The following MAPK1IP1L variants were observed in gnomAD, a reference collection of about 807,000 sequenced individuals.
The protein encoded by MAPK1IP1L is MAPK-interacting and spindle-stabilizing protein-like.
In MAPK1IP1L, 10 loss-of-function variants were observed where a neutral mutation model predicts 18.1. The observed-to-expected ratio is 0.55, with a 90% confidence interval of 0.34 to 0.94. The LOEUF is 0.94. Ranked by LOEUF, MAPK1IP1L falls within the 40% of genes least tolerant of loss-of-function variation. The pLI is 0.02. For synonymous variants in MAPK1IP1L, 115 were observed against 117.3 expected (o/e 0.98, Z 0.13); for missense variants, 260 against 318.2 (o/e 0.82, Z 1.39).
At chr14:55,063,422 T>A in intron 3 of MAPK1IP1L, 97 bp downstream of exon 3, 1 of 1,098,924 alleles carries the variant, frequency 9.1e-7, no homozygotes, top group Non-Finnish European at 1.3e-6. Context: ...AGAAGGCTTT[T>A]AAGTTTTTAA....
At chr14:55,053,035 C>G (rs1446844339) in intron 1 of MAPK1IP1L, among the ~76,000 whole-genome samples, 1 of 152,240 alleles carries the variant, frequency 6.6e-6, no homozygotes, top group Non-Finnish European at 1.5e-5. Flanking sequence ...TGTGAACATT[C>G]ATTCTAAGTG....
In MAPK1IP1L at chr14:55,068,006, G is replaced by A. The variant is rs1348421042; in HGVS notation, c.*3379G>A. ...TTCACACCCGGTTCTCAAGAATCAAGTGGAGCACTTCAAAGACCTTGGCTT... is the reference window on the plus strand; with the variant it reads ...TTCACACCCGGTTCTCAAGAATCAAATGGAGCACTTCAAAGACCTTGGCTT... On this transcript the variant is annotated 3_prime_UTR_variant, in exon 4 of 4. Transcript: ENST00000395468. The A allele has an allele frequency of 6.6e-6, 1 of 152,220 alleles. No homozygotes were observed. The highest frequency in any genetic ancestry group is 1.5e-5 in the Non-Finnish European group (1 of 68,036). The allele number at this position is 152,220 out of a possible 1,614,324, so 9.4% of individuals were successfully genotyped here. A position where few individuals can be genotyped will look rare whatever the true frequency, so the allele number is the denominator to read the frequency against.
At chr14:55,059,368 A>T (rs575956798) in intron 1 of MAPK1IP1L, among the ~76,000 whole-genome samples, 1 of 152,194 alleles carries the variant, frequency 6.6e-6, no homozygotes, top group Non-Finnish European at 1.5e-5. Flanking sequence ...ACAGTATCTC[A>T]CGCCTGTAAT....
rs996814887 is a variant in MAPK1IP1L at position 55,067,340 on chromosome 14, G to C, written c.*2713G>C. 1 of 151,798 alleles carries C rather than the reference G, an allele frequency of 6.6e-6. No homozygotes were observed. Among genetic ancestry groups the C allele is most frequent in the South Asian group, 2.1e-4 (1 of 4,820 alleles). 9.4% of individuals were successfully genotyped at this position (151,798 alleles called of 1,614,324 possible). A position where few individuals can be genotyped will look rare whatever the true frequency, so the allele number is the denominator to read the frequency against. On this transcript the variant is annotated 3_prime_UTR_variant, in exon 4 of 4. Transcript: ENST00000395468. ...GGGCCAAAATATTTCAGGTTGGTTC[G>C]GTGTGGAGTTAAGAAAAGCAGGCGT...
At chr14:55,054,384 C>G (rs2042754478) in intron 1 of MAPK1IP1L, among the ~76,000 whole-genome samples, 1 of 152,040 alleles carries the variant, frequency 6.6e-6, no homozygotes, top group South Asian at 2.1e-4. Context: ...CTCAAGTAAT[C>G]CACCCACCTC....
At chr14:55,064,297 A>G (rs75318916) in intron 3 of MAPK1IP1L, among the ~76,000 whole-genome samples, 7 of 145,950 alleles carry the variant, frequency 4.8e-5, no homozygotes, top group African/African-American at 7.4e-5. Context: ...CCCAGCCAGG[A>G]AAAAAAAAAA....
In MAPK1IP1L at chr14:55,064,903, G is replaced by A. The variant is rs2042850547; in HGVS notation, c.*276G>A. 3.1e-6 allele frequency: 1 copy of A among 319,304 alleles called. No individual in the cohort carries two copies. The allele number at this position is 319,304 out of a possible 1,614,324, so 19.8% of individuals were successfully genotyped here. On this transcript the variant is annotated 3_prime_UTR_variant, in exon 4 of 4. Transcript: ENST00000395468. ...GATAAAGTATATTGAATAGTTCTTT[G>A]ACAGAATTTGTTTAAACTATGAAAC... is the stretch of plus-strand genomic sequence containing the variant.
intron 3 of MAPK1IP1L, chr14:55,064,033 T>TTTTTTTTTTG (rs1348655243): frequency 9.0e-6 from 1 of 111,292 alleles, no homozygotes; most frequent in African/African-American, 4.1e-5. Context: ...TTTTTTTTTT[T>TTTTTTTTTTG]GAGACAGTCT....
chr14:55,063,704 C>G, intron 3 of MAPK1IP1L: 1 of 166,602 alleles, frequency 6.0e-6, no homozygotes, highest in South Asian at 1.8e-4. Context: ...AAAGCAGTCT[C>G]TACCTGTCTA....
chr14:55,057,131 A>G (rs1475830962), intron 1 of MAPK1IP1L, among the ~76,000 whole-genome samples: 1 of 152,246 alleles, frequency 6.6e-6, no homozygotes, highest in East Asian at 1.9e-4. Context: ...TAAAAATGGG[A>G]ATCATACTTA....
intron 1 of MAPK1IP1L, among the ~76,000 whole-genome samples, chr14:55,058,481 AC>A (rs1404794680): frequency 6.6e-6 from 1 of 152,184 alleles, no homozygotes; most frequent in Non-Finnish European, 1.5e-5. Context: ...AAGAAAATAA[AC>A]TACATGAAAA....
In MAPK1IP1L at chr14:55,067,379, T is replaced by TG. The variant is rs1832982448; in HGVS notation, c.*2756dup. ...AAAAGCAGGCGTTTTAGTGGAGAAA[T>TG]GGGGAACAGCATCAAGAAAGGCTTT... is the stretch of plus-strand genomic sequence containing the variant. On this transcript the variant is annotated 3_prime_UTR_variant, in exon 4 of 4. Coordinates refer to ENST00000395468, the MANE Select transcript of MAPK1IP1L (RefSeq NM_144578.4). 6.6e-6 allele frequency: 1 copy of TG among 151,950 alleles called. No individual in the cohort carries two copies. Among genetic ancestry groups the TG allele is most frequent in the Non-Finnish European group, 1.5e-5 (1 of 67,986 alleles). The allele number at this position is 151,950 out of a possible 1,614,324, so 9.4% of individuals were successfully genotyped here.
intron 1 of MAPK1IP1L, among the ~76,000 whole-genome samples, chr14:55,061,360 T>A (rs2042816736): frequency 6.6e-6 from 1 of 152,208 alleles, no homozygotes; most frequent in African/African-American, 2.4e-5. Flanking sequence ...TGGTGTTAGA[T>A]TCTCACACAC....
rs186675895 is a variant in MAPK1IP1L at position 55,061,024 on chromosome 14, C to A, written c.-4-656C>A. Among the ~76,000 whole-genome samples, 3 of 152,088 alleles carry A rather than the reference C, an allele frequency of 2.0e-5. No individual in the cohort carries two copies. In the East Asian group the frequency reaches 5.8e-4, roughly 29 times the overall value. On this transcript the variant is annotated intron_variant, in intron 1 of 3. Coordinates refer to ENST00000395468, the MANE Select transcript of MAPK1IP1L (RefSeq NM_144578.4). ...AATTTGCTGGGCATGATGGCACACA[C>A]CTGTAGTACCGGCTATTAGGGAGAC... is the stretch of plus-strand genomic sequence containing the variant.
intron 1 of MAPK1IP1L, chr14:55,060,786 G>C (rs1049880373): frequency 2.6e-5 from 4 of 152,172 alleles, no homozygotes; most frequent in African/African-American, 9.7e-5. Context: ...GCATTTTGTT[G>C]AGTGCTAATT....
Position 55,057,116 on chromosome 14 carries a change from CAAACTA to C in MAPK1IP1L, c.-4-4560_-4-4555del, listed in dbSNP as rs1448833983. On this transcript the variant is annotated intron_variant, in intron 1 of 3. Transcript: ENST00000395468. ...AAAATAATGTAATTTTTTAAAATCT[CAAACTA>C]AAAATGGGAATCATACTTAAACATT... is the stretch of plus-strand genomic sequence containing the variant. Among the ~76,000 whole-genome samples the C allele has an allele frequency of 1.2e-4, 19 of 152,280 alleles. No homozygotes were observed. In the South Asian group the frequency reaches 2.5e-3, roughly 20 times the overall value.
At chr14:55,061,292 A>G (rs1300012485) in intron 1 of MAPK1IP1L, among the ~76,000 whole-genome samples, 1 of 152,228 alleles carries the variant, frequency 6.6e-6, no homozygotes, top group Non-Finnish European at 1.5e-5. Context: ...GGACTTTTCA[A>G]ATGGATTTTA....
At chr14:55,062,529 C>G in intron 2 of MAPK1IP1L, 89 bp from the exon 3 acceptor site, 2 of 1,027,438 alleles carry the variant, frequency 1.9e-6, no homozygotes, top group Non-Finnish European at 2.8e-6. Flanking sequence ...AATCCCTGCC[C>G]CTATAGGTTA....
rs1007762269 is a variant in MAPK1IP1L at position 55,056,756 on chromosome 14, T to A, written c.-4-4924T>A. Among the ~76,000 whole-genome samples, 10 of 152,162 alleles carry A rather than the reference T, an allele frequency of 6.6e-5. No individual in the cohort carries two copies. The East Asian group carries it at 1.2e-3, about 18-fold the overall frequency. Reference sequence around the variant, plus strand: ...AATCTCCTGACTTCGTGATCCGCCCTCCTCGGCCTCCCAAAGTGCTGGGAT... The same window carrying A: ...AATCTCCTGACTTCGTGATCCGCCCACCTCGGCCTCCCAAAGTGCTGGGAT... On this transcript the variant is annotated intron_variant, in intron 1 of 3. Coordinates refer to ENST00000395468, the MANE Select transcript of MAPK1IP1L (RefSeq NM_144578.4).
Sources: gnomAD v4.1 joint callset for allele counts (sites outside exome capture counted in the v4.1 genomes callset) on GRCh38, gnomAD v4.1.1 for gene constraint, MANE v1.5 for transcripts, NCBI Gene and HGNC (gene_info 2026-07-23, HGNC 2026-07-21) for gene names.